Variants in EZH1 observed in about 807,000 individuals in gnomAD.
The protein encoded by EZH1 is histone-lysine N-methyltransferase EZH1.
EZH1 carries 33 observed loss-of-function variants against 100.5 expected under a neutral mutation model. The observed-to-expected ratio is 0.33, with a 90% CI of 0.25 to 0.44. The LOEUF (loss-of-function observed/expected upper bound fraction) is 0.44, where lower values mean the gene tolerates loss of function less well. Ranked by LOEUF, EZH1 falls within the 20% of genes least tolerant of loss-of-function variation. EZH1 has a pLI of 1.00. For synonymous variants in EZH1, 272 were observed against 313.8 expected, an observed-to-expected ratio of 0.87 and a Z score of 1.41; for missense variants, 475 against 928.4, an observed-to-expected ratio of 0.51 and a Z score of 6.35.
chr17:42,702,172 C>A lies in EZH1; in HGVS notation c.*360G>T. ...TGATGTGGAAAGCTACAATTACAGGCTAGCGCTTGTTGGGAACTGCCTAAG... is the reference window on the plus strand; with the variant it reads ...TGATGTGGAAAGCTACAATTACAGGATAGCGCTTGTTGGGAACTGCCTAAG... On this transcript the variant is annotated 3_prime_UTR_variant, in exon 21 of 21. Coordinates refer to ENST00000428826, the MANE Select transcript of EZH1 (RefSeq NM_001991.5). 4.6e-6 allele frequency: 1 copy of A among 219,740 alleles called. No homozygotes were observed. The highest frequency in any genetic ancestry group is 9.1e-6 in the Non-Finnish European group (1 of 110,036). 13.6% of individuals were successfully genotyped at this position (219,740 alleles called of 1,614,324 possible). A position where few individuals can be genotyped will look rare whatever the true frequency, so the allele number is the denominator to read the frequency against.
At chr17:42,724,509 G>T (rs914204127) in intron 4 of EZH1, 85 bp from the exon 5 acceptor site, 7 of 1,523,252 alleles carry the variant, frequency 4.6e-6, no homozygotes, top group South Asian at 3.5e-5. Context: ...AATTGGCTGG[G>T]CATAGTGGCT....
At chr17:42,713,918 A>C (rs895957965) in intron 10 of EZH1, among the ~76,000 whole-genome samples, 3 of 152,238 alleles carry the variant, frequency 2.0e-5, no homozygotes. Flanking sequence ...GGAAGAAACT[A>C]GCTTGAGAGT....
intron 18 of EZH1, among the ~76,000 whole-genome samples, chr17:42,704,371 T>G (rs986335982): frequency 3.9e-5 from 6 of 151,974 alleles, no homozygotes; most frequent in Non-Finnish European, 8.8e-5. Flanking sequence ...AAACCCAGTC[T>G]CTACTAAAAA....
chr17:42,726,964 C>T (rs1004380243), intron 4 of EZH1, among the ~76,000 whole-genome samples: 7 of 152,062 alleles, frequency 4.6e-5, no homozygotes. Context: ...GTTCTCAGGC[C>T]TCAGCCTCCC....
chr17:42,705,263 G>A, intron 16 of EZH1, 80 bp from the exon 17 acceptor site: 2 of 705,178 alleles, frequency 2.8e-6, no homozygotes, highest in East Asian at 2.6e-5. Flanking sequence ...CATGTGTGGT[G>A]GGGGTGGGGT....
rs187189111 is a variant in EZH1 at position 42,700,582 on chromosome 17, T to G, written c.*1950A>C. 42 of 152,430 alleles carry G rather than the reference T, an allele frequency of 2.8e-4. 2 individuals are homozygous for G. The highest frequency in any genetic ancestry group is 2.3e-3 in the Admixed American group (35 of 15,288). 9.4% of individuals were successfully genotyped at this position (152,430 alleles called of 1,614,324 possible). A position where few individuals can be genotyped will look rare whatever the true frequency, so the allele number is the denominator to read the frequency against. ...AGTCTCTCAAAGGCTGGTGAAAAGT[T>G]TTTTTTCACCTATTCCTCACAGCGA... On this transcript the variant is annotated 3_prime_UTR_variant, in exon 21 of 21. Coordinates refer to ENST00000428826, the MANE Select transcript of EZH1 (RefSeq NM_001991.5).
Position 42,709,833 on chromosome 17 carries a change from C to T in EZH1, c.1493+13G>A. On this transcript the variant is annotated intron_variant, in intron 13 of 20. Coordinates refer to ENST00000428826, the MANE Select transcript of EZH1 (RefSeq NM_001991.5). ...TGGCTGTAAAACAAAACACTTTGTC[C>T]AACCCTTCTTGCCTGTGCTTTCTTT... 1 of 1,613,384 alleles carries T rather than the reference C, an allele frequency of 6.2e-7. No homozygotes were observed. The highest frequency in any genetic ancestry group is 8.5e-7 in the Non-Finnish European group (1 of 1,179,374).
At chr17:42,709,813 G>A (rs768419901) in intron 13 of EZH1, 33 bp downstream of exon 13, 40 of 1,606,356 alleles carry the variant, frequency 2.5e-5, no homozygotes, top group Admixed American at 1.2e-4. Flanking sequence ...CAGCCTGGCT[G>A]TAAAACAAAA....
intron 1 of EZH1, among the ~76,000 whole-genome samples, chr17:42,744,117 C>T (rs866622990): frequency 8.5e-5 from 13 of 152,222 alleles, no homozygotes; most frequent in South Asian, 2.1e-4. Flanking sequence ...TCACATACAA[C>T]CCTGTATTTC....
At position 42,706,622 on chromosome 17, in the gene EZH1, A is replaced by T. The variant is rs779715282; in HGVS notation, c.1661-437T>A. On this transcript the variant is annotated intron_variant, in intron 15 of 20. Coordinates refer to ENST00000428826, the MANE Select transcript of EZH1 (RefSeq NM_001991.5). The surrounding 1 kb of genome is among the most constrained non-coding windows in gnomAD (Gnocchi z 4.4). Reference sequence around the variant, plus strand: ...TGAATGGCTTGAGCCAGGGAGGTTGAGGCTGCAGTGAGCCATAATTGTGCC... The same window carrying T: ...TGAATGGCTTGAGCCAGGGAGGTTGTGGCTGCAGTGAGCCATAATTGTGCC... Among the ~76,000 whole-genome samples the T allele has an allele frequency of 4.6e-5, 7 of 152,110 alleles. No individual in the cohort carries two copies. The highest frequency in any genetic ancestry group is 1.3e-4 in the Admixed American group (2 of 15,264).
intron 4 of EZH1, among the ~76,000 whole-genome samples, chr17:42,726,857 T>C (rs1367264758): frequency 1.3e-5 from 2 of 151,840 alleles, no homozygotes; most frequent in Non-Finnish European, 2.9e-5. Context: ...TTATTATTTA[T>C]TATTTTTTTT....
chr17:42,713,297 G>T lies in EZH1; in HGVS notation c.1116C>A (p.Cys372Ter). 1 of 1,614,048 alleles carries T rather than the reference G, an allele frequency of 6.2e-7. No homozygotes were observed. ...CCACAGCAGAGGCTGAGGCATTGGAGCAGGAAGCACTGACTATGTGGTGCC... is the reference window on the plus strand; with the variant it reads ...CCACAGCAGAGGCTGAGGCATTGGATCAGGAAGCACTGACTATGTGGTGCC... The part of the protein sequence containing the change: ...RRRHHIVSAS[C>*]SNASASAVAE... Residue 372 changes from cysteine to a stop codon, truncating the protein, a stop_gained, in exon 11 of 21, where the codon TGC becomes TGA. Coordinates refer to ENST00000428826, the MANE Select transcript of EZH1 (RefSeq NM_001991.5). LOFTEE classifies it high-confidence loss of function.
At chr17:42,704,336 C>T (rs548710990) in intron 18 of EZH1, among the ~76,000 whole-genome samples, 1 of 152,114 alleles carries the variant, frequency 6.6e-6, no homozygotes, top group Admixed American at 6.5e-5. Flanking sequence ...GCCAGGAGTT[C>T]GATACCAGCC....
chr17:42,714,336 A>C (rs2053547904), intron 10 of EZH1: 1 of 265,906 alleles, frequency 3.8e-6, no homozygotes, highest in Non-Finnish European at 7.7e-6. Flanking sequence ...GCTTTCCTAC[A>C]ATATAGCTTT....
chr17:42,705,914 C>T, intron 16 of EZH1, 93 bp downstream of exon 16: 1 of 1,272,298 alleles, frequency 7.9e-7, no homozygotes, highest in South Asian at 1.8e-5. Flanking sequence ...ACATATAAAG[C>T]CTCAAAAGAA....
intron 3 of EZH1, among the ~76,000 whole-genome samples, 165 bp downstream of exon 3, chr17:42,728,660 T>G (rs2053873211): frequency 6.6e-6 from 1 of 150,686 alleles, no homozygotes; most frequent in Non-Finnish European, 1.5e-5. Context: ...GAGAATGGCG[T>G]GAACCTGCGA....
At chr17:42,744,680 C>T (rs1044196478) in intron 1 of EZH1, among the ~76,000 whole-genome samples, 2 of 152,170 alleles carry the variant, frequency 1.3e-5, no homozygotes, top group Non-Finnish European at 2.9e-5. Flanking sequence ...CTCCCGCGCC[C>T]TTTGGGCGCT....
Position 42,730,932 on chromosome 17 carries a change from A to T in EZH1, c.-102-14T>A. 1 of 982,674 alleles carries T rather than the reference A, an allele frequency of 1.0e-6. No individual in the cohort carries two copies. Among genetic ancestry groups the T allele is most frequent in the Non-Finnish European group, 1.2e-6 (1 of 827,390 alleles). The allele number at this position is 982,674 out of a possible 1,614,324, so 60.9% of individuals were successfully genotyped here. On this transcript the variant is annotated splice_polypyrimidine_tract_variant and intron_variant, in intron 1 of 20. Coordinates refer to ENST00000428826, the MANE Select transcript of EZH1 (RefSeq NM_001991.5). ...ACAGGTGTCCAGCTTTTCAAAAGAGAACAGACAGTGGTTCTATTAAGTTAG... is the reference window on the plus strand; with the variant it reads ...ACAGGTGTCCAGCTTTTCAAAAGAGTACAGACAGTGGTTCTATTAAGTTAG...
chr17:42,739,349 A>G (rs569037455), intron 1 of EZH1, among the ~76,000 whole-genome samples: 1 of 152,356 alleles, frequency 6.6e-6, no homozygotes, highest in African/African-American at 2.4e-5. Context: ...CTACACACAG[A>G]AAGAACCTTC....
Sources: gnomAD v4.1 joint callset for allele counts (sites outside exome capture counted in the v4.1 genomes callset) on GRCh38, gnomAD v4.1.1 for gene constraint, Gnocchi (gnomAD v3.1) non-coding constraint, MANE v1.5 for transcripts, NCBI Gene and HGNC (gene_info 2026-07-23, HGNC 2026-07-21) for gene names.